ASTN2: variants seen among roughly 807,000 people sequenced by gnomAD.
The protein encoded by ASTN2 is astrotactin-2.
ASTN2 carries 54 observed loss-of-function variants against 139.8 expected under a neutral mutation model. The observed-to-expected ratio is 0.39, with a 90% CI of 0.31 to 0.48. The LOEUF (loss-of-function observed/expected upper bound fraction) is 0.48. Among genes scored for constraint, ASTN2 ranks in the 20% least tolerant of loss-of-function variants. ASTN2 has a pLI of 0.95. For missense variants in ASTN2, 1,565 were observed against 1,725.1 expected (o/e 0.91, Z 1.64); for synonymous variants, 756 against 719.5 (o/e 1.05, Z -0.81).
chr9:117,147,516 C>T lies in ASTN2; in HGVS notation c.1016-6038G>A, dbSNP rs182306090. Among the ~76,000 whole-genome samples, 18 of 151,944 alleles carry T rather than the reference C, an allele frequency of 1.2e-4. 1 individual carries two copies. The highest frequency in any genetic ancestry group is 4.4e-4 in the African/African-American group (18 of 41,354). On this transcript the variant is annotated intron_variant, in intron 3 of 22. Transcript: ENST00000313400. ...CACGCAACCACCCAGGACGTTCCACCGATGAAACGCATATGGGTTTGAGTT... is the reference window on the plus strand; with the variant it reads ...CACGCAACCACCCAGGACGTTCCACTGATGAAACGCATATGGGTTTGAGTT...
chr9:117,226,420 A>C (rs1363344546), intron 2 of ASTN2, among the ~76,000 whole-genome samples: 3 of 152,234 alleles, frequency 2.0e-5, no homozygotes, highest in Non-Finnish European at 4.4e-5. Context: ...TGCAAAAAGG[A>C]ATCCAACAGT....
intron 5 of ASTN2, among the ~76,000 whole-genome samples, chr9:117,072,940 CA>C (rs1828175260): frequency 6.6e-6 from 1 of 151,074 alleles, no homozygotes; most frequent in African/African-American, 2.4e-5. Flanking sequence ...GTTAAGACTT[CA>C]AAGAGGAAAA....
At chr9:116,783,342 C>T (rs1291036644) in intron 13 of ASTN2, among the ~76,000 whole-genome samples, 2 of 145,264 alleles carry the variant, frequency 1.4e-5, no homozygotes, top group Non-Finnish European at 3.0e-5. Context: ...CTTTCCCTCC[C>T]TCCCTCCCTC....
chr9:116,452,098 G>A (rs764993836), intron 20 of ASTN2, among the ~76,000 whole-genome samples: 20 of 152,090 alleles, frequency 1.3e-4, no homozygotes, highest in Non-Finnish European at 2.6e-4. Flanking sequence ...TGCTGTTTTA[G>A]GGTAAAGCAG....
chr9:117,213,166 CA>C (rs1554791712), intron 3 of ASTN2, among the ~76,000 whole-genome samples: 5 of 151,966 alleles, frequency 3.3e-5, no homozygotes, highest in Non-Finnish European at 1.5e-5. Flanking sequence ...TTATATTAAG[CA>C]AAATAAGACA....
At chr9:117,001,262 G>A (rs142824706) in intron 7 of ASTN2, among the ~76,000 whole-genome samples, 1 of 152,176 alleles carries the variant, frequency 6.6e-6, no homozygotes, top group African/African-American at 2.4e-5. Flanking sequence ...ACAAAGGAGA[G>A]ACTTCTTTAA....
intron 2 of ASTN2, among the ~76,000 whole-genome samples, chr9:117,283,476 A>G (rs1187112077): frequency 6.6e-6 from 1 of 152,244 alleles, no homozygotes; most frequent in East Asian, 1.9e-4. Flanking sequence ...TTTGTAAAAA[A>G]GTACTTGGGA....
chr9:116,823,532 G>A (rs1311979108), intron 11 of ASTN2, among the ~76,000 whole-genome samples: 1 of 152,172 alleles, frequency 6.6e-6, no homozygotes, highest in Non-Finnish European at 1.5e-5. Flanking sequence ...GTGACGCCCA[G>A]AAAGTTAAAG....
At chr9:116,870,869 C>T (rs1246568295) in intron 10 of ASTN2, among the ~76,000 whole-genome samples, 2 of 152,114 alleles carry the variant, frequency 1.3e-5, no homozygotes, top group African/African-American at 4.8e-5. Flanking sequence ...GTGACAAGTC[C>T]CTCACTGATG....
intron 4 of ASTN2, among the ~76,000 whole-genome samples, chr9:117,098,263 A>G (rs1828886538): frequency 6.6e-6 from 1 of 152,212 alleles, no homozygotes; most frequent in Admixed American, 6.5e-5. Context: ...GAGAGGCATC[A>G]TTGTGCCTAC....
At chr9:117,303,394 C>T (rs765008605) in intron 1 of ASTN2, among the ~76,000 whole-genome samples, 19 of 152,184 alleles carry the variant, frequency 1.2e-4, no homozygotes, top group Non-Finnish European at 2.2e-4. Context: ...AGATTAAGAA[C>T]GAGAAGTGGG....
At chr9:116,570,464 C>T (rs1182108911) in intron 19 of ASTN2, among the ~76,000 whole-genome samples, 4 of 152,078 alleles carry the variant, frequency 2.6e-5, no homozygotes, top group Non-Finnish European at 4.4e-5. Flanking sequence ...GGCATCATCT[C>T]GGCTCACTGC....
chr9:116,996,283 T>C (rs1297247395), intron 7 of ASTN2, among the ~76,000 whole-genome samples: 2 of 152,130 alleles, frequency 1.3e-5, no homozygotes, highest in African/African-American at 4.8e-5. Context: ...TATTTTTTCT[T>C]AGTGGTACAT....
intron 20 of ASTN2, among the ~76,000 whole-genome samples, chr9:116,452,266 T>A (rs1848198084): frequency 6.6e-6 from 1 of 152,208 alleles, no homozygotes; most frequent in South Asian, 2.1e-4. Context: ...AACTCAGATA[T>A]AAACAATAAT....
At chr9:116,480,886 G>T (rs376831398) in intron 20 of ASTN2, among the ~76,000 whole-genome samples, 2 of 152,148 alleles carry the variant, frequency 1.3e-5, no homozygotes, top group East Asian at 3.9e-4. Context: ...TGAACATATG[G>T]TGTCAGCAGA....
At chr9:117,352,339 C>T (rs1224990662) in intron 1 of ASTN2, among the ~76,000 whole-genome samples, 1 of 152,178 alleles carries the variant, frequency 6.6e-6, no homozygotes, top group Non-Finnish European at 1.5e-5. Context: ...CATGGGCCAC[C>T]ATCTGCATCC....
chr9:116,766,029 T>C lies in ASTN2; in HGVS notation c.2397-32506A>G, dbSNP rs373696978. 4.6e-5 allele frequency among the ~76,000 whole-genome samples: 7 copies of C among 152,296 alleles called. No individual in the cohort carries two copies. The East Asian group carries it at 9.6e-4, about 21-fold the overall frequency. Reference sequence around the variant, plus strand: ...AAAGGGGGCTACTATTACCTGTCAATATAACTATTAAGTATTAAAAGAAAA... The same window carrying C: ...AAAGGGGGCTACTATTACCTGTCAACATAACTATTAAGTATTAAAAGAAAA... On this transcript the variant is annotated intron_variant, in intron 13 of 22. Transcript: ENST00000313400.
At chr9:116,642,062 TA>T (rs1857356386) in intron 17 of ASTN2, among the ~76,000 whole-genome samples, 1 of 143,034 alleles carries the variant, frequency 7.0e-6, no homozygotes, top group Non-Finnish European at 1.5e-5. Flanking sequence ...CCAGTTTGGG[TA>T]GTGGTTCTCA....
At chr9:117,358,261 GACACACACAC>G (rs67475291) in intron 1 of ASTN2, among the ~76,000 whole-genome samples, 11 of 146,884 alleles carry the variant, frequency 7.5e-5, no homozygotes, top group South Asian at 2.2e-4. Flanking sequence ...TACATGTGCA[GACACACACAC>G]ACACACACAC....
Sources: gnomAD v4.1 joint callset for allele counts (sites outside exome capture counted in the v4.1 genomes callset) on GRCh38, gnomAD v4.1.1 for gene constraint, MANE v1.5 for transcripts, NCBI Gene and HGNC (gene_info 2026-07-23, HGNC 2026-07-21) for gene names.